NME9: variants seen among roughly 807,000 people sequenced by gnomAD.
The protein encoded by NME9 is NME/NM23 family member 9.
Under a neutral mutation model 44.4 loss-of-function variants are expected in NME9, and 48 were observed. That is an observed-to-expected ratio of 1.08 (90% CI 0.86 to 1.37). NME9 has a LOEUF of 1.37. Ranked by LOEUF, NME9 falls within the 40% of genes most tolerant of loss-of-function variation. The pLI, the probability that NME9 is intolerant of heterozygous loss-of-function variation, is 0.00. For synonymous variants in NME9, 139 were observed against 147.1 expected, an observed-to-expected ratio of 0.94 and a Z score of 0.40; for missense variants, 325 against 405.2, an observed-to-expected ratio of 0.80 and a Z score of 1.70.
intron 1 of NME9, among the ~76,000 whole-genome samples, chr3:138,327,957 G>T (rs1375053061): frequency 6.6e-6 from 1 of 152,104 alleles, no homozygotes; most frequent in African/African-American, 2.4e-5. Flanking sequence ...GACAACATCA[G>T]ACCAGCCAGG....
At chr3:138,299,140 T>G (rs2051713875), downstream of NME9, among the ~76,000 whole-genome samples, 1 of 152,162 alleles carries the variant, frequency 6.6e-6, no homozygotes, top group African/African-American at 2.4e-5. Context: ...TCCTGCCCCT[T>G]GCCTGTTTAC....
intron 1 of NME9, among the ~76,000 whole-genome samples, chr3:138,326,035 T>C (rs943303231): frequency 6.6e-6 from 1 of 152,212 alleles, no homozygotes; most frequent in Non-Finnish European, 1.5e-5. Context: ...GTCAAGTCTT[T>C]TTAGTCTGGA....
At chr3:138,325,874 A>C (rs903579596) in intron 1 of NME9, among the ~76,000 whole-genome samples, 1 of 148,140 alleles carries the variant, frequency 6.8e-6, no homozygotes, top group African/African-American at 2.5e-5. Flanking sequence ...TATTATTCCT[A>C]TATAACACAT....
chr3:138,307,525 A>G (rs567136703), intron 6 of NME9, among the ~76,000 whole-genome samples: 34 of 152,322 alleles, frequency 2.2e-4, no homozygotes, highest in African/African-American at 6.5e-4. Flanking sequence ...TCTCAAAAAC[A>G]TGTACTGCAA....
chr3:138,298,647 C>T (rs550736924), downstream of NME9, among the ~76,000 whole-genome samples: 2 of 152,266 alleles, frequency 1.3e-5, no homozygotes, highest in African/African-American at 4.8e-5. Flanking sequence ...TATCCCATCC[C>T]CAATATCATG....
rs2052919333 is a variant in NME9 at position 138,314,357 on chromosome 3, C to A, written c.435G>T (p.Lys145Asn). The change falls in exon 6 of 11, where the codon AAG becomes AAT. Residue 145 changes from lysine (K) to asparagine (N), a missense_variant. Lys to Asn is a moderately conservative substitution (Grantham distance 94). Transcript: ENST00000333911. ...SDEDECVSHG[K>N]NNGEDEDMVS... is the part of the protein sequence containing the mutation. The stretch of plus-strand genomic sequence containing the variant: ...CCATGTCCTCATCTTCACCATTATT[C>A]TTTCCATGGGAAACACATTCATCTT... The A allele has an allele frequency of 6.2e-7, 1 of 1,608,972 alleles. No homozygotes were observed. Among genetic ancestry groups the A allele is most frequent in the African/African-American group, 1.3e-5 (1 of 74,790 alleles).
intron 8 of NME9, among the ~76,000 whole-genome samples, chr3:138,283,613 T>C (rs2050138050): frequency 6.6e-6 from 1 of 152,216 alleles, no homozygotes; most frequent in African/African-American, 2.4e-5. Flanking sequence ...GTTTGTTGAA[T>C]TGCTAAGCTT....
At chr3:138,266,037 A>G (rs1401064480) in intron 8 of NME9, among the ~76,000 whole-genome samples, 2 of 152,370 alleles carry the variant, frequency 1.3e-5, no homozygotes, top group South Asian at 2.1e-4. Context: ...AAGTGTCACA[A>G]TATGGTCTTA....
intron 8 of NME9, among the ~76,000 whole-genome samples, chr3:138,281,217 G>GGTGT (rs149949088): frequency 1.3e-5 from 2 of 149,778 alleles, no homozygotes; most frequent in East Asian, 2.0e-4. Context: ...TAATGGTGTG[G>GGTGT]GTGTGTGTGT....
At chr3:138,298,429 C>G (rs931236229), downstream of NME9, 1 of 152,146 alleles carries the variant, frequency 6.6e-6, no homozygotes. Context: ...TAGGAAACAT[C>G]AGAAGATAAT....
intron 4 of NME9, among the ~76,000 whole-genome samples, chr3:138,317,759 T>C (rs1436351069): frequency 6.6e-6 from 1 of 152,220 alleles, no homozygotes; most frequent in Non-Finnish European, 1.5e-5. Context: ...AGCCTCAGTC[T>C]AGAGTATTCA....
At position 138,275,558 on chromosome 3, in the gene NME9, CA is replaced by C. The variant is rs1260591641; in HGVS notation, c.746-12973del. ...TGGGCGGAAGAGCGAGACTCTGTCT[CA>C]AAAAAAAAAAAATTCATTAAGCTGT... On this transcript the variant is annotated intron_variant, in intron 8 of 8. Coordinates refer to the NME9 transcript ENST00000317876. Among the ~76,000 whole-genome samples, 249 of 138,686 alleles carry C rather than the reference CA, an allele frequency of 1.8e-3. 1 individual carries two copies. The highest frequency in any genetic ancestry group is 0.014 in the East Asian group (69 of 4,838). The allele number at this position is 138,686 out of a possible 152,430, so 91.0% of individuals were successfully genotyped here. A position where few individuals can be genotyped will look rare whatever the true frequency, so the allele number is the denominator to read the frequency against.
At chr3:138,297,342 T>G (rs932318916), downstream of NME9, 1 of 152,172 alleles carries the variant, frequency 6.6e-6, no homozygotes, top group African/African-American at 2.4e-5. Flanking sequence ...AAGTTGCTCT[T>G]GACTGTTTGA....
chr3:138,277,845 TCA>T (rs1367225391), intron 8 of NME9, among the ~76,000 whole-genome samples: 26 of 152,336 alleles, frequency 1.7e-4, no homozygotes, highest in African/African-American at 5.8e-4. Flanking sequence ...TTTATTTGTA[TCA>T]TCAAAAATTA....
chr3:138,305,072 G>C (rs1026935592), intron 8 of NME9, 45 bp from the exon 9 acceptor site: 1 of 1,582,306 alleles, frequency 6.3e-7, no homozygotes, highest in Admixed American at 1.7e-5. Context: ...GGAGCTGCTA[G>C]GGCCTGCAGA....
chr3:138,295,247 C>T (rs906168519), intron 8 of NME9, among the ~76,000 whole-genome samples: 1 of 152,066 alleles, frequency 6.6e-6, no homozygotes, highest in African/African-American at 2.4e-5. Flanking sequence ...CCCCCATCAC[C>T]GTAACAACAC....
intron 8 of NME9, chr3:138,269,944 G>T (rs2048633717): frequency 2.9e-6 from 2 of 690,870 alleles, no homozygotes; most frequent in Non-Finnish European, 4.8e-6. Flanking sequence ...TTGAGTAAGA[G>T]TGGGGAAGAA....
At chr3:138,305,832 CT>C in intron 8 of NME9, 171 bp downstream of exon 8, 1 of 560,730 alleles carries the variant, frequency 1.8e-6, no homozygotes, top group Non-Finnish European at 3.2e-6. Context: ...AACCAAAAAA[CT>C]TTACCTGATA....
At chr3:138,279,355 A>AT (rs1202178549) in intron 8 of NME9, among the ~76,000 whole-genome samples, 2 of 152,092 alleles carry the variant, frequency 1.3e-5, no homozygotes, top group Non-Finnish European at 2.9e-5. Context: ...AATTCATTTG[A>AT]TTCAGTTTCA....
Sources: gnomAD v4.1 joint callset for allele counts (sites outside exome capture counted in the v4.1 genomes callset) on GRCh38, gnomAD v4.1.1 for gene constraint, MANE v1.5 for transcripts, NCBI Gene and HGNC (gene_info 2026-07-23, HGNC 2026-07-21) for gene names.